PCTP: variants seen among roughly 807,000 people sequenced by gnomAD.
PCTP encodes START domain-containing protein 2.
A neutral mutation model predicts 31.0 loss-of-function variants in PCTP; 27 were observed. The observed-to-expected ratio is 0.87, with a 90% CI of 0.64 to 1.20. PCTP has a LOEUF of 1.20. Ranked by LOEUF, PCTP falls within the 50% of genes most tolerant of loss-of-function variation. The pLI is 0.00. For missense variants in PCTP, 287 were observed against 268.2 expected (o/e 1.07, Z -0.49); for synonymous variants, 108 against 101.2 (o/e 1.07, Z -0.40).
At chr17:55,831,114 C>T (rs777456166) in intron 5 of PCTP, among the ~76,000 whole-genome samples, 2 of 151,164 alleles carry the variant, frequency 1.3e-5, no homozygotes, top group South Asian at 2.2e-4. Context: ...GGGCTGAGAC[C>T]GGAGAGCTTT....
At chr17:55,760,480 G>T (rs1041949704) in intron 1 of PCTP, among the ~76,000 whole-genome samples, 18 of 152,120 alleles carry the variant, frequency 1.2e-4, no homozygotes, top group Admixed American at 9.8e-4. Context: ...GACCCATTTT[G>T]CAGGTTAGTA....
intron 3 of PCTP, among the ~76,000 whole-genome samples, chr17:55,809,650 G>A (rs760598661): frequency 6.6e-6 from 1 of 151,854 alleles, no homozygotes; most frequent in Non-Finnish European, 1.5e-5. Context: ...AGCCTCCTGA[G>A]TAGCTGGGAT....
At chr17:55,785,555 T>C (rs753642069) in intron 2 of PCTP, among the ~76,000 whole-genome samples, 3 of 152,242 alleles carry the variant, frequency 2.0e-5, no homozygotes, top group Non-Finnish European at 2.9e-5. Context: ...CTTGCTCAAA[T>C]GTTTTCCTCT....
chr17:55,818,031 G>T (rs1201325526), intron 3 of PCTP, among the ~76,000 whole-genome samples: 1 of 152,172 alleles, frequency 6.6e-6, no homozygotes, highest in Non-Finnish European at 1.5e-5. Context: ...CATGATACAG[G>T]TATGTACAGG....
At chr17:55,840,442 A>G (rs1293032686) in intron 5 of PCTP, among the ~76,000 whole-genome samples, 6 of 152,234 alleles carry the variant, frequency 3.9e-5, no homozygotes, top group African/African-American at 1.4e-4. Context: ...ATTAATCCAA[A>G]TTCATCTATA....
At chr17:55,828,934 G>A (rs76262897) in intron 5 of PCTP, among the ~76,000 whole-genome samples, 2,173 of 152,204 alleles carry the variant, frequency 0.014, 59 homozygotes, top group African/African-American at 0.049. Flanking sequence ...TTCCCTCAAG[G>A]GCTTCTTCCC....
At chr17:55,824,966 G>T (rs1283882844), downstream of PCTP, among the ~76,000 whole-genome samples, 1 of 152,096 alleles carries the variant, frequency 6.6e-6, no homozygotes, top group Non-Finnish European at 1.5e-5. Context: ...TAAGAGAGAG[G>T]GATCTGGGAG....
chr17:55,755,819 T>C (rs1311023119), intron 1 of PCTP, among the ~76,000 whole-genome samples: 3 of 152,208 alleles, frequency 2.0e-5, no homozygotes, highest in Non-Finnish European at 4.4e-5. Flanking sequence ...CTTATCCTTC[T>C]AAAGAGATGT....
intron 3 of PCTP, among the ~76,000 whole-genome samples, chr17:55,793,003 C>A (rs1010211420): frequency 6.6e-6 from 1 of 152,072 alleles, no homozygotes; most frequent in African/African-American, 2.4e-5. Flanking sequence ...ACGCATCTCC[C>A]CATGCCCTTC....
chr17:55,825,978 C>A (rs201034913), downstream of PCTP, among the ~76,000 whole-genome samples: 2 of 151,068 alleles, frequency 1.3e-5, no homozygotes, highest in Admixed American at 1.3e-4. Flanking sequence ...ATCATAGTTG[C>A]CCTCACTATC....
intron 5 of PCTP, chr17:55,775,245 C>A: frequency 8.1e-7 from 1 of 1,238,554 alleles, no homozygotes; most frequent in South Asian, 4.0e-5. Flanking sequence ...CAGATGTGTC[C>A]AAGCCTGAGG....
intron 3 of PCTP, among the ~76,000 whole-genome samples, chr17:55,795,094 TA>T: frequency 6.6e-6 from 1 of 151,946 alleles, no homozygotes; most frequent in Non-Finnish European, 1.5e-5. Flanking sequence ...GCCTAAAACT[TA>T]AAATTGAATG....
chr17:55,763,122 T>C (rs891415738), intron 1 of PCTP, among the ~76,000 whole-genome samples: 1 of 152,228 alleles, frequency 6.6e-6, no homozygotes, highest in African/African-American at 2.4e-5. Flanking sequence ...TTTGGAGTCA[T>C]TTATTCAAAT....
At chr17:55,848,144 T>C in the PCTP span, among the ~76,000 whole-genome samples, 1 of 152,154 alleles carries the variant, frequency 6.6e-6, no homozygotes, top group East Asian at 1.9e-4. Context: ...AGGCTGCTCC[T>C]GAACTCTTGA....
chr17:55,813,513 T>C (rs4072913), intron 3 of PCTP, among the ~76,000 whole-genome samples: 28,603 of 152,032 alleles, frequency 0.19, 2,889 homozygotes, highest in African/African-American at 0.27. Flanking sequence ...CAGGGTTTCA[T>C]CATGTTGGCC....
intron 5 of PCTP, among the ~76,000 whole-genome samples, chr17:55,836,380 A>T (rs1050663343): frequency 6.6e-6 from 1 of 152,206 alleles, no homozygotes; most frequent in African/African-American, 2.4e-5. Context: ...TTATGTCTTT[A>T]ATTATTTTTT....
chr17:55,822,915 G>T, exon 4 of PCTP: 1 of 822,242 alleles, frequency 1.2e-6, no homozygotes, highest in South Asian at 6.3e-5. Flanking sequence ...TTGAAACACT[G>T]AAATGGGTGC....
intron 3 of PCTP, among the ~76,000 whole-genome samples, chr17:55,808,044 A>T (rs1233685240): frequency 2.0e-5 from 3 of 152,158 alleles, no homozygotes; most frequent in African/African-American, 7.2e-5. Flanking sequence ...AATGCCTCCT[A>T]GGTCCCAAGT....
At chr17:55,828,594 C>T (rs1348850078) in intron 5 of PCTP, among the ~76,000 whole-genome samples, 3 of 152,186 alleles carry the variant, frequency 2.0e-5, no homozygotes, top group Non-Finnish European at 4.4e-5. Flanking sequence ...TCTAGAAAAA[C>T]TCTGTTTCCA....
Sources: gnomAD v4.1 joint callset for allele counts (sites outside exome capture counted in the v4.1 genomes callset) on GRCh38, gnomAD v4.1.1 for gene constraint, MANE v1.5 for transcripts, NCBI Gene and HGNC (gene_info 2026-07-23, HGNC 2026-07-21) for gene names.